Variants in EPM2A observed in about 807,000 individuals in gnomAD.
The protein encoded by EPM2A is laforin.
A neutral mutation model predicts 26.5 loss-of-function variants in EPM2A; 21 were observed. The ratio of observed to expected loss-of-function variants is 0.79; its 90% CI spans 0.56 to 1.14. EPM2A has a LOEUF of 1.14. EPM2A is among the 50% of genes most tolerant of loss of function. EPM2A has a pLI of 0.00. For synonymous variants in EPM2A, 217 were observed against 177.6 expected, an observed-to-expected ratio of 1.22 and a Z score of -1.76; for missense variants, 458 against 440.8, an observed-to-expected ratio of 1.04 and a Z score of -0.35.
intron 4 of EPM2A, among the ~76,000 whole-genome samples, chr6:145,408,207 G>T (rs980576691): frequency 4.6e-5 from 7 of 152,094 alleles, no homozygotes; most frequent in African/African-American, 1.4e-4. Context: ...TGCATTTTGA[G>T]TGAGGCATTT....
intron 2 of EPM2A, among the ~76,000 whole-genome samples, chr6:145,616,290 G>A (rs1234805629): frequency 1.3e-5 from 2 of 152,236 alleles, no homozygotes; most frequent in African/African-American, 4.8e-5. Flanking sequence ...CTCAAGCCTT[G>A]GCAGCTTCCA....
intron 2 of EPM2A, among the ~76,000 whole-genome samples, chr6:145,672,527 G>A (rs78380057): frequency 2.6e-5 from 4 of 152,162 alleles, no homozygotes; most frequent in Non-Finnish European, 5.9e-5. Flanking sequence ...TTTTAGATAC[G>A]AGAAAAAGAA....
intron 4 of EPM2A, among the ~76,000 whole-genome samples, chr6:145,427,793 G>T (rs1224477047): frequency 6.6e-6 from 1 of 151,926 alleles, no homozygotes; most frequent in Non-Finnish European, 1.5e-5. Context: ...TTTGAATATT[G>T]ATTTTATTAA....
rs1776773817 is a variant in EPM2A at position 145,735,128 on chromosome 6, C to T, written c.301+70G>A. 1.5e-5 allele frequency: 19 copies of T among 1,245,172 alleles called. No individual in the cohort carries two copies. In the East Asian group the frequency reaches 3.4e-4, roughly 22 times the overall value. The allele number at this position is 1,245,172 out of a possible 1,614,324, so 77.1% of individuals were successfully genotyped here. A position where few individuals can be genotyped will look rare whatever the true frequency, so the allele number is the denominator to read the frequency against. ...GGGGCCTGCGGGGCCTGCCCGAGGC[C>T]GAGGCCCCGGTTGGGGGTGCGGGCC... is the stretch of plus-strand genomic sequence containing the variant. On this transcript the variant is annotated intron_variant, in intron 1 of 3. Transcript: ENST00000367519.
intron 1 of EPM2A, among the ~76,000 whole-genome samples, chr6:145,695,883 T>G (rs867073484): frequency 6.6e-6 from 1 of 152,022 alleles, no homozygotes; most frequent in South Asian, 2.1e-4. Flanking sequence ...CAGAACATCA[T>G]TTTTTAGACA....
intron 2 of EPM2A, chr6:145,670,390 C>T (rs144256687): frequency 6.6e-6 from 1 of 152,298 alleles, no homozygotes; most frequent in African/African-American, 2.4e-5. Context: ...ATCTAGCAGT[C>T]AAGCTCTCTC....
At chr6:145,633,045 G>T (rs1776383741) in intron 3 of EPM2A, among the ~76,000 whole-genome samples, 1 of 152,214 alleles carries the variant, frequency 6.6e-6, no homozygotes. Flanking sequence ...AAAGGTTCGT[G>T]AACACAACTA....
intron 2 of EPM2A, among the ~76,000 whole-genome samples, chr6:145,599,543 T>C (rs968608102): frequency 6.6e-6 from 1 of 152,068 alleles, no homozygotes; most frequent in Non-Finnish European, 1.5e-5. Flanking sequence ...TTCTTCTTTA[T>C]AGCATTCTCT....
chr6:145,580,563 T>C (rs1044802268), intron 2 of EPM2A, among the ~76,000 whole-genome samples: 11 of 152,164 alleles, frequency 7.2e-5, no homozygotes, highest in African/African-American at 2.7e-4. Flanking sequence ...ACAGGTTTGC[T>C]ATATAGGTAA....
rs150390811 is a variant in EPM2A, at chr6:145,405,193, T to A, written c.556-21096A>T. 2.0e-5 allele frequency among the ~76,000 whole-genome samples: 3 copies of A among 151,968 alleles called. No homozygotes were observed. In the East Asian group the frequency reaches 5.8e-4, roughly 29 times the overall value. On this transcript the variant is annotated intron_variant, in intron 4 of 4. Coordinates refer to the EPM2A transcript ENST00000638717. ...CCTAAGAAGATGTTGGACTTGAATTTGCACGTTTAATCAATCAAGTTAGCT... is the reference window on the plus strand; with the variant it reads ...CCTAAGAAGATGTTGGACTTGAATTAGCACGTTTAATCAATCAAGTTAGCT...
chr6:145,392,594 G>A (rs148349606), intron 4 of EPM2A, among the ~76,000 whole-genome samples: 2 of 152,080 alleles, frequency 1.3e-5, no homozygotes, highest in Non-Finnish European at 2.9e-5. Flanking sequence ...AATTACAGGG[G>A]GCCACCAGGC....
intron 2 of EPM2A, among the ~76,000 whole-genome samples, chr6:145,503,597 C>T (rs1242532978): frequency 7.9e-5 from 7 of 88,800 alleles, no homozygotes; most frequent in East Asian, 6.1e-4. Flanking sequence ...TAAAAGAGGA[C>T]ACAAACAAAT....
intron 4 of EPM2A, among the ~76,000 whole-genome samples, chr6:145,422,303 A>T (rs1778799961): frequency 6.8e-6 from 1 of 147,310 alleles, no homozygotes; most frequent in African/African-American, 2.5e-5. Flanking sequence ...GTATATAAAT[A>T]TATATATTTT....
At chr6:145,715,214 T>A (rs1775549050) in intron 1 of EPM2A, among the ~76,000 whole-genome samples, 2 of 152,116 alleles carry the variant, frequency 1.3e-5, no homozygotes, top group Non-Finnish European at 2.9e-5. Context: ...GGATCAAGGG[T>A]GGCCAGATTT....
At chr6:145,422,922 C>T (rs1778808423) in intron 4 of EPM2A, among the ~76,000 whole-genome samples, 1 of 151,878 alleles carries the variant, frequency 6.6e-6, no homozygotes, top group South Asian at 2.1e-4. Flanking sequence ...CTCACTTTTA[C>T]CCTAAAATAT....
chr6:145,421,111 A>G (rs1176458961), intron 4 of EPM2A, among the ~76,000 whole-genome samples: 1 of 152,170 alleles, frequency 6.6e-6, no homozygotes, highest in Non-Finnish European at 1.5e-5. Context: ...CTGGGGTAAC[A>G]CTGGATGACT....
At chr6:145,691,261 A>G (rs999646647) in intron 1 of EPM2A, among the ~76,000 whole-genome samples, 5 of 152,170 alleles carry the variant, frequency 3.3e-5, no homozygotes, top group African/African-American at 1.2e-4. Flanking sequence ...GTAGCCAGAG[A>G]AAAACAGCAA....
intron 2 of EPM2A, among the ~76,000 whole-genome samples, chr6:145,547,931 GA>G (rs1780606864): frequency 6.6e-6 from 1 of 151,944 alleles, no homozygotes; most frequent in Non-Finnish European, 1.5e-5. Flanking sequence ...TAGAAGTAAT[GA>G]AAACACTTAT....
At chr6:145,398,385 CT>C (rs77081200) in intron 4 of EPM2A, among the ~76,000 whole-genome samples, 40,096 of 151,476 alleles carry the variant, frequency 0.26, 5,664 homozygotes, top group Non-Finnish European at 0.32. Flanking sequence ...ATGTTTGTCT[CT>C]TTTTTTTTCT....
Sources: allele counts gnomAD v4.1 joint callset (sites outside exome capture counted in the v4.1 genomes callset), GRCh38; gene constraint gnomAD v4.1.1; transcripts MANE v1.5; gene names NCBI Gene and HGNC (gene_info 2026-07-23, HGNC 2026-07-21).